The following ZNF469 variants were observed in gnomAD, a reference collection of about 807,000 sequenced individuals.
ZNF469 encodes the protein zinc finger protein 469.
A neutral mutation model predicts 1.0 loss-of-function variants in ZNF469; 1 was observed. The observed-to-expected ratio is 1.00, with a 90% CI of 0.35 to 4.73. The LOEUF (loss-of-function observed/expected upper bound fraction) is 4.73, where lower values mean the gene tolerates loss of function less well. Ranked by LOEUF, ZNF469 falls within the 30% of genes most tolerant of loss-of-function variation. ZNF469 has a pLI of 0.16. For synonymous variants in ZNF469, 2,703 were observed against 2,363.4 expected, an observed-to-expected ratio of 1.14 and a Z score of -4.17; for missense variants, 6,100 against 5,356.3, an observed-to-expected ratio of 1.14 and a Z score of -4.33.
chr16:88,180,088 T>C, the ZNF469 span, among the ~76,000 whole-genome samples: 1 of 151,776 alleles, frequency 6.6e-6, no homozygotes, highest in East Asian at 1.9e-4. Context: ...AGCCATTCTT[T>C]TATTCCTTCA....
chr16:88,370,587 G>A, the ZNF469 span, among the ~76,000 whole-genome samples: 3 of 152,256 alleles, frequency 2.0e-5, no homozygotes, highest in Admixed American at 6.5e-5. Context: ...GGGCTGCTGC[G>A]TGCCTCACGT....
the ZNF469 span, among the ~76,000 whole-genome samples, chr16:88,180,013 T>A: frequency 6.6e-6 from 1 of 152,172 alleles, no homozygotes; most frequent in Admixed American, 6.5e-5. Flanking sequence ...CTAAGAGGTA[T>A]AACAAGGCAA....
chr16:88,234,489 C>G, the ZNF469 span, among the ~76,000 whole-genome samples: 2 of 152,244 alleles, frequency 1.3e-5, no homozygotes, highest in Non-Finnish European at 2.9e-5. Context: ...TGGGCTAAGC[C>G]AGTTTCCACC....
rs746253538 is a variant in ZNF469 at position 88,430,198 on chromosome 16, A to G, written c.2728A>G (p.Thr910Ala). Residue 910 changes from threonine (T) to alanine (A), a missense_variant, in exon 3 of 3, where the codon ACC becomes GCC. Thr to Ala is a moderately conservative substitution (Grantham distance 58). Transcript: ENST00000565624. ...PLPAATPDPQ[T>A]PRPGDRGCPA... is the part of the protein sequence containing the mutation. Reference sequence around the variant, plus strand: ...CCCAGCAGCCACGCCGGACCCCCAAACCCCCCGCCCTGGGGACAGGGGCTG... The same window carrying G: ...CCCAGCAGCCACGCCGGACCCCCAAGCCCCCCGCCCTGGGGACAGGGGCTG... The G allele has an allele frequency of 5.8e-6, 9 of 1,543,764 alleles. No homozygotes were observed. The highest frequency in any genetic ancestry group is 6.1e-6 in the Non-Finnish European group (7 of 1,143,842).
At chr16:88,194,718 A>T in the ZNF469 span, 2 of 152,240 alleles carry the variant, frequency 1.3e-5, no homozygotes, top group Non-Finnish European at 2.9e-5. Context: ...ATGTCAATTG[A>T]CTTGCCTCCA....
the ZNF469 span, among the ~76,000 whole-genome samples, chr16:88,335,819 C>T: frequency 1.6e-4 from 24 of 150,370 alleles, 1 homozygote; most frequent in South Asian, 1.5e-3. Context: ...GACACTGATG[C>T]GCCAATACCA....
At chr16:88,381,380 A>G (rs1455834441), upstream of ZNF469, among the ~76,000 whole-genome samples, 1 of 146,856 alleles carries the variant, frequency 6.8e-6, no homozygotes, top group African/African-American at 2.6e-5. Context: ...ACACACAGAG[A>G]CATGCATTCA....
the ZNF469 span, among the ~76,000 whole-genome samples, chr16:88,364,738 C>A: frequency 1.3e-5 from 2 of 152,080 alleles, no homozygotes; most frequent in African/African-American, 2.4e-5. Context: ...CCAAAGCAGG[C>A]GGATCACTTG....
In ZNF469 at chr16:88,432,843, T is replaced by C; in HGVS notation, c.5373T>C (p.Pro1791=). The C allele has an allele frequency of 6.5e-7, 1 of 1,550,340 alleles. No homozygotes were observed. The part of the protein sequence containing the change: ...GTADQPHRGA[P]APEAFGSPAV... The stretch of plus-strand genomic sequence containing the variant: ...CAGACCAGCCCCACCGAGGGGCCCC[T>C]GCTCCAGAAGCTTTTGGCAGCCCTG... Residue 1791 remains proline, a synonymous_variant, in exon 3 of 3, where the codon CCT becomes CCC. Transcript: ENST00000565624.
chr16:88,155,705 G>A, the ZNF469 span, among the ~76,000 whole-genome samples: 2 of 152,170 alleles, frequency 1.3e-5, no homozygotes, highest in Non-Finnish European at 2.9e-5. Context: ...TGAATTTGGT[G>A]GGAATTTAGG....
At chr16:88,407,214 C>G (rs921368989) in intron 1 of ZNF469, among the ~76,000 whole-genome samples, 1 of 152,196 alleles carries the variant, frequency 6.6e-6, no homozygotes, top group Non-Finnish European at 1.5e-5. Flanking sequence ...TTGGGCTGGG[C>G]CCCCCAGGGT....
Position 88,437,226 on chromosome 16 carries a change from G to T in ZNF469, c.9756G>T (p.Pro3252=). ...KRSAGKAAGS[P]GDPWGQEGEA... is the part of the protein sequence containing the mutation. ...CCGCCGGCAAGGCCGCCGGGAGCCC[G>T]GGAGACCCGTGGGGGCAAGAGGGAG... Residue 3252 remains proline, a synonymous_variant, in exon 3 of 3, where the codon CCG becomes CCT. Transcript: ENST00000565624. 1 of 1,549,334 alleles carries T rather than the reference G, an allele frequency of 6.5e-7. No individual in the cohort carries two copies. The highest frequency in any genetic ancestry group is 8.7e-7 in the Non-Finnish European group (1 of 1,146,464).
rs1336721617 is a variant in ZNF469 at position 88,439,543 on chromosome 16, A to T, written c.*211A>T. 1.6e-6 allele frequency: 1 copy of T among 613,584 alleles called. No homozygotes were observed. Among genetic ancestry groups the T allele is most frequent in the Non-Finnish European group, 2.9e-6 (1 of 350,752 alleles). 38.0% of individuals were successfully genotyped at this position (613,584 alleles called of 1,614,324 possible). ...TTTCTTGCTGGAAGGCTGGGGGTGA[A>T]AGACGGGGCCACTGCAGCCCTTTTG... On this transcript the variant is annotated 3_prime_UTR_variant, in exon 3 of 3. Transcript: ENST00000565624.
the ZNF469 span, among the ~76,000 whole-genome samples, chr16:88,205,022 C>T: frequency 1.3e-5 from 2 of 152,132 alleles, no homozygotes; most frequent in Admixed American, 6.5e-5. The surrounding 1 kb of genome is among the most constrained non-coding windows in gnomAD (Gnocchi z 4.2). Context: ...AGGGGCAGCG[C>T]CGAGGGAGCA....
At chr16:88,334,889 G>A in the ZNF469 span, among the ~76,000 whole-genome samples, 4 of 151,622 alleles carry the variant, frequency 2.6e-5, no homozygotes, top group East Asian at 1.9e-4. Flanking sequence ...AGATGCCGAC[G>A]GAACGACACA....
At chr16:88,409,425 C>T (rs1905086784) in intron 1 of ZNF469, among the ~76,000 whole-genome samples, 1 of 152,144 alleles carries the variant, frequency 6.6e-6, no homozygotes, top group Non-Finnish European at 1.5e-5. Flanking sequence ...CTCGAGTCCT[C>T]AGGGCAGCAG....
chr16:88,434,055 T>A lies in ZNF469; in HGVS notation c.6585T>A (p.Ala2195=), dbSNP rs1192468290. ...TDTGAEDSPV[A]PPSLTTSPCD... is the part of the protein sequence containing the mutation. ...CTGGGGCTGAGGATTCCCCGGTGGCTCCCCCGTCTTTGACAACAAGCCCCT... is the reference window on the plus strand; with the variant it reads ...CTGGGGCTGAGGATTCCCCGGTGGCACCCCCGTCTTTGACAACAAGCCCCT... The change falls in exon 3 of 3, where the codon GCT becomes GCA. Residue 2195 remains alanine, a synonymous_variant. Coordinates refer to ENST00000565624, the MANE Select transcript of ZNF469 (RefSeq NM_001367624.2). 6.5e-7 allele frequency: 1 copy of A among 1,549,982 alleles called. No homozygotes were observed. Among genetic ancestry groups the A allele is most frequent in the East Asian group, 2.4e-5 (1 of 40,914 alleles).
At chr16:88,346,012 G>A in the ZNF469 span, among the ~76,000 whole-genome samples, 7 of 152,338 alleles carry the variant, frequency 4.6e-5, no homozygotes, top group East Asian at 3.9e-4. Context: ...GGGCAGGAGC[G>A]TGAGAGGTGG....
Position 88,430,753 on chromosome 16 carries a change from G to T in ZNF469, c.3283G>T (p.Ala1095Ser), listed in dbSNP as rs933945553. 8.6e-6 allele frequency: 13 copies of T among 1,507,340 alleles called. No individual in the cohort carries two copies. The Admixed American group carries it at 1.7e-4, about 20-fold the overall frequency. 93.4% of individuals were successfully genotyped at this position (1,507,340 alleles called of 1,614,324 possible). A position where few individuals can be genotyped will look rare whatever the true frequency, so the allele number is the denominator to read the frequency against. Residue 1095 changes from alanine (A) to serine (S), a missense_variant, in exon 3 of 3, where the codon GCC becomes TCC. Physicochemically the swap from Ala to Ser is moderately conservative, Grantham distance 99. Transcript: ENST00000565624. Reference protein sequence around the residue: ...EDRRLREYDFASESEEDEQPP... With the variant: ...EDRRLREYDFSSESEEDEQPP... ...CCGCAGGCTCCGCGAGTACGACTTC[G>T]CCTCGGAGTCCGAGGAGGACGAGCA...
Sources: allele counts gnomAD v4.1 joint callset (sites outside exome capture counted in the v4.1 genomes callset), GRCh38; gene constraint gnomAD v4.1.1; non-coding constraint Gnocchi (gnomAD v3.1); transcripts MANE v1.5; gene names NCBI Gene and HGNC (gene_info 2026-07-23, HGNC 2026-07-21).